PLD5: variants seen among roughly 807,000 people sequenced by gnomAD.
PLD5 encodes the protein inactive phospholipase D5.
PLD5 carries 36 observed loss-of-function variants against 61.1 expected under a neutral mutation model. The ratio of observed to expected loss-of-function variants is 0.59; its 90% confidence interval spans 0.45 to 0.78. The LOEUF (loss-of-function observed/expected upper bound fraction) is 0.78. PLD5 is among the 30% of genes least tolerant of loss of function. The pLI is 0.00. For missense variants in PLD5, 515 were observed against 644.4 expected (o/e 0.80, Z 2.17); for synonymous variants, 243 against 242.8 (o/e 1.00, Z -0.01).
At chr1:242,301,323 T>G (rs1196852905) in intron 2 of PLD5, among the ~76,000 whole-genome samples, 1 of 152,204 alleles carries the variant, frequency 6.6e-6, no homozygotes, top group African/African-American at 2.4e-5. Flanking sequence ...CTGCTACTCC[T>G]TGTCAGAATT....
intron 5 of PLD5, among the ~76,000 whole-genome samples, chr1:242,207,836 A>ATATATATT (rs1558344020): frequency 5.6e-5 from 3 of 53,418 alleles, no homozygotes; most frequent in Non-Finnish European, 9.8e-5. Context: ...ATATATATTT[A>ATATATATT]TATATTTATA....
chr1:242,456,592 A>AT (rs1388792500), intron 1 of PLD5, among the ~76,000 whole-genome samples: 5 of 152,358 alleles, frequency 3.3e-5, no homozygotes, highest in African/African-American at 1.2e-4. Context: ...GCTGTCCATG[A>AT]TTGATATTAG....
chr1:242,288,367 A>C lies in PLD5; in HGVS notation c.490T>G (p.Cys164Gly), dbSNP rs1157079038. 1 of 1,612,690 alleles carries C rather than the reference A, an allele frequency of 6.2e-7. No homozygotes were observed. The highest frequency in any genetic ancestry group is 1.7e-5 in the Admixed American group (1 of 59,614). The change falls in exon 3 of 10, where the codon TGT becomes GGT. Residue 164 changes from cysteine to glycine, a missense_variant. Cys to Gly is a radical substitution (Grantham distance 159). Coordinates refer to ENST00000536534, the MANE Select transcript of PLD5 (RefSeq NM_001372062.1). Reference sequence around the variant, plus strand: ...ACACAGAGGATGTAGCTTACCTGACATGCTGATGGATGAGTGTGGTTGAGA... The same window carrying C: ...ACACAGAGGATGTAGCTTACCTGACCTGCTGATGGATGAGTGTGGTTGAGA... ...WDLNHTHPSA[C>G]QGQRLFEKLL...
intron 7 of PLD5, among the ~76,000 whole-genome samples, chr1:242,112,339 G>GTGTGTATATA (rs1370325825): frequency 1.0e-4 from 15 of 143,386 alleles, no homozygotes; most frequent in South Asian, 2.4e-4. Context: ...ATGTATATGT[G>GTGTGTATATA]TATATATATA....
At chr1:242,254,560 C>T (rs1672908883) in intron 4 of PLD5, among the ~76,000 whole-genome samples, 1 of 152,084 alleles carries the variant, frequency 6.6e-6, no homozygotes, top group Non-Finnish European at 1.5e-5. Context: ...ATCCCAGCTA[C>T]TCAGGAGGCT....
At chr1:242,323,299 C>T (rs1484461592) in intron 2 of PLD5, among the ~76,000 whole-genome samples, 2 of 152,088 alleles carry the variant, frequency 1.3e-5, no homozygotes, top group Non-Finnish European at 2.9e-5. Flanking sequence ...ATGTGTGGCT[C>T]GTAAAACTGA....
intron 5 of PLD5, among the ~76,000 whole-genome samples, chr1:242,185,531 A>G (rs755330298): frequency 6.6e-6 from 1 of 152,210 alleles, no homozygotes; most frequent in African/African-American, 2.4e-5. Flanking sequence ...AAAATTCTGT[A>G]TTACTTTCAG....
chr1:242,112,305 GTGT>G (rs747231482), intron 7 of PLD5, among the ~76,000 whole-genome samples: 25,632 of 116,452 alleles, frequency 0.22, 2,399 homozygotes, highest in Admixed American at 0.25. Context: ...GTGTGTGTGT[GTGT>G]GTGTGTGTGT....
At position 242,143,940 on chromosome 1, in the gene PLD5, AAGCGATTCTCATGCCTCAGCCTCTCAAGT is replaced by A. The variant is rs370032553; in HGVS notation, c.736-19304_736-19276del. On this transcript the variant is annotated intron_variant, in intron 5 of 9. Transcript: ENST00000536534. Reference sequence around the variant, plus strand: ...CACTACAACCTCCCCTGCCAGGTTCAAGCGATTCTCATGCCTCAGCCTCTCAAGTAGCGATTCTCATGCCTCAGCCTCTC... The same window carrying A: ...CACTACAACCTCCCCTGCCAGGTTCAAGCGATTCTCATGCCTCAGCCTCTC... Among the ~76,000 whole-genome samples the A allele has an allele frequency of 6.0e-3, 906 of 151,860 alleles. 17 individuals carry two copies. Among genetic ancestry groups the A allele is most frequent in the East Asian group, 0.055 (281 of 5,130 alleles).
chr1:242,162,628 T>C (rs1372025364), intron 5 of PLD5, among the ~76,000 whole-genome samples: 2 of 152,198 alleles, frequency 1.3e-5, no homozygotes, highest in Non-Finnish European at 2.9e-5. Context: ...ACGCAGAATG[T>C]TACTGTATGT....
intron 5 of PLD5, among the ~76,000 whole-genome samples, chr1:242,161,476 A>T (rs1665823892): frequency 6.6e-6 from 1 of 152,168 alleles, no homozygotes; most frequent in African/African-American, 2.4e-5. Flanking sequence ...CAGAAAAAAA[A>T]AATAGTATTA....
intron 5 of PLD5, among the ~76,000 whole-genome samples, chr1:242,138,883 C>G (rs1420744713): frequency 6.6e-6 from 1 of 152,240 alleles, no homozygotes; most frequent in Non-Finnish European, 1.5e-5. Context: ...TCAGGGGCCA[C>G]AACTGTGTAA....
intron 4 of PLD5, among the ~76,000 whole-genome samples, chr1:242,224,355 T>C (rs1468821044): frequency 6.6e-6 from 1 of 152,166 alleles, no homozygotes; most frequent in Non-Finnish European, 1.5e-5. Context: ...AGGCCTTTTT[T>C]TTACAATGTC....
intron 9 of PLD5, 151 bp from the exon 10 acceptor site, chr1:242,090,261 A>T (rs1558207371): frequency 8.9e-6 from 9 of 1,009,296 alleles, no homozygotes; most frequent in Non-Finnish European, 1.3e-5. Flanking sequence ...TCCGAAAAAA[A>T]AATCCAAGAA....
intron 1 of PLD5, among the ~76,000 whole-genome samples, chr1:242,420,556 C>A (rs532423797): frequency 1.3e-5 from 2 of 152,158 alleles, no homozygotes; most frequent in Non-Finnish European, 2.9e-5. Flanking sequence ...TGAATGGCAA[C>A]TTTAATGCCT....
chr1:242,116,821 T>C (rs564703132), intron 6 of PLD5, among the ~76,000 whole-genome samples: 2 of 152,288 alleles, frequency 1.3e-5, no homozygotes, highest in South Asian at 4.1e-4. Flanking sequence ...TTTTTGATCA[T>C]TTATTTTTTT....
At chr1:242,229,376 T>C (rs973343675) in intron 4 of PLD5, among the ~76,000 whole-genome samples, 1 of 152,198 alleles carries the variant, frequency 6.6e-6, no homozygotes, top group African/African-American at 2.4e-5. Context: ...AGAGAATGTA[T>C]GTAACTTATA....
At chr1:242,452,626 G>A (rs557016974) in intron 1 of PLD5, among the ~76,000 whole-genome samples, 18 of 152,148 alleles carry the variant, frequency 1.2e-4, no homozygotes, top group Admixed American at 1.1e-3. Flanking sequence ...GACCAGCCTA[G>A]GCAACACGGT....
intron 5 of PLD5, among the ~76,000 whole-genome samples, chr1:242,180,989 C>A (rs904091847): frequency 5.3e-5 from 8 of 151,536 alleles, no homozygotes; most frequent in African/African-American, 1.9e-4. Flanking sequence ...TCTCAAAAAA[C>A]AAACAAACAA....
Sources: gnomAD v4.1 joint callset for allele counts (sites outside exome capture counted in the v4.1 genomes callset) on GRCh38, gnomAD v4.1.1 for gene constraint, MANE v1.5 for transcripts, NCBI Gene and HGNC (gene_info 2026-07-23, HGNC 2026-07-21) for gene names.